The following STAC variants were observed in gnomAD, a reference collection of about 807,000 sequenced individuals.
STAC encodes SH3 and cysteine rich domain, also known as SH3 and cysteine-rich domain-containing protein.
In STAC, 43 loss-of-function variants were observed where a neutral mutation model predicts 48.8. The ratio of observed to expected loss-of-function variants is 0.88; its 90% CI spans 0.69 to 1.14. The LOEUF is 1.14. STAC is among the 50% of genes most tolerant of loss of function. STAC has a pLI of 0.00. For synonymous variants in STAC, 193 were observed against 179.5 expected (o/e 1.07, Z -0.60); for missense variants, 497 against 504.0 (o/e 0.99, Z 0.13).
intron 10 of STAC, among the ~76,000 whole-genome samples, chr3:36,538,848 T>C (rs1229652588): frequency 6.6e-6 from 1 of 152,202 alleles, no homozygotes; most frequent in Non-Finnish European, 1.5e-5. Context: ...TTTTCTACCT[T>C]TGAAGAATAT....
At chr3:36,517,609 A>G (rs1477356514) in intron 8 of STAC, among the ~76,000 whole-genome samples, 2 of 152,180 alleles carry the variant, frequency 1.3e-5, no homozygotes, top group Non-Finnish European at 2.9e-5. Context: ...AGCTATGAAC[A>G]CACCACTACA....
At chr3:36,513,561 C>G (rs1306685657) in intron 8 of STAC, among the ~76,000 whole-genome samples, 4 of 152,154 alleles carry the variant, frequency 2.6e-5, no homozygotes, top group Non-Finnish European at 5.9e-5. Flanking sequence ...GTACAGTGTT[C>G]TGGGCTTCAT....
At chr3:36,392,341 CCTTT>C (rs1296031883) in intron 1 of STAC, among the ~76,000 whole-genome samples, 1 of 151,892 alleles carries the variant, frequency 6.6e-6, no homozygotes, top group Non-Finnish European at 1.5e-5. Context: ...CTAGTCCTTT[CCTTT>C]CTTTCTTTTT....
chr3:36,436,909 G>A (rs1700846821), intron 1 of STAC, among the ~76,000 whole-genome samples: 1 of 151,790 alleles, frequency 6.6e-6, no homozygotes, highest in South Asian at 2.1e-4. Context: ...AATCTACAAT[G>A]AACTCAAACA....
intron 5 of STAC, among the ~76,000 whole-genome samples, chr3:36,490,760 C>G (rs1697947074): frequency 6.6e-6 from 1 of 152,198 alleles, no homozygotes; most frequent in Non-Finnish European, 1.5e-5. Context: ...TAAGAAGCAG[C>G]AAGACCACCA....
chr3:36,415,547 C>T (rs1700300759), intron 1 of STAC, among the ~76,000 whole-genome samples: 1 of 152,234 alleles, frequency 6.6e-6, no homozygotes, highest in South Asian at 2.1e-4. Flanking sequence ...CCATCTGTCA[C>T]AGCTTTGCTT....
At chr3:36,541,548 T>A (rs977482795) in intron 10 of STAC, among the ~76,000 whole-genome samples, 1 of 152,184 alleles carries the variant, frequency 6.6e-6, no homozygotes, top group East Asian at 1.9e-4. Context: ...GTAGAGGACA[T>A]GGATGTGTGA....
Position 36,398,511 on chromosome 3 carries a change from A to C in STAC, c.111+17757A>C, listed in dbSNP as rs527979727. Among the ~76,000 whole-genome samples, 14 of 85,236 alleles carry C rather than the reference A, an allele frequency of 1.6e-4. 1 individual carries two copies. Among genetic ancestry groups the C allele is most frequent in the Admixed American group, 4.8e-4 (4 of 8,364 alleles). 55.9% of individuals were successfully genotyped at this position (85,236 alleles called of 152,430 possible). ...AGAAAGGAAGGAGGGAAGGAAGAGAAAAAGAAAGAGAGAGAAAGAAAGAAA... is the reference window on the plus strand; with the variant it reads ...AGAAAGGAAGGAGGGAAGGAAGAGACAAAGAAAGAGAGAGAAAGAAAGAAA... On this transcript the variant is annotated intron_variant, in intron 1 of 10. Coordinates refer to ENST00000273183, the MANE Select transcript of STAC (RefSeq NM_003149.3).
chr3:36,504,190 G>A (rs1490775600), intron 6 of STAC, among the ~76,000 whole-genome samples: 1 of 152,250 alleles, frequency 6.6e-6, no homozygotes, highest in African/African-American at 2.4e-5. Context: ...CACAGAGAAG[G>A]TGGTGCAGAA....
intron 10 of STAC, among the ~76,000 whole-genome samples, chr3:36,536,922 A>C (rs1348816569): frequency 6.6e-6 from 1 of 152,190 alleles, no homozygotes; most frequent in Non-Finnish European, 1.5e-5. Context: ...GAAGATATTT[A>C]TATGGCCAGC....
Position 36,463,907 on chromosome 3 carries a change from C to A in STAC, c.389-19085C>A, listed in dbSNP as rs377139442. On this transcript the variant is annotated intron_variant, in intron 2 of 10. Coordinates refer to ENST00000273183, the MANE Select transcript of STAC (RefSeq NM_003149.3). ...TGTATATGTGCCACATTCTCTTAAT[C>A]CAGTCTATCATTGTTGGACATTTGG... 2.5e-4 allele frequency among the ~76,000 whole-genome samples: 38 copies of A among 152,168 alleles called. No homozygotes were observed. The South Asian group carries it at 7.1e-3, about 28-fold the overall frequency.
chr3:36,412,230 G>A (rs13319487), intron 1 of STAC, among the ~76,000 whole-genome samples: 3,025 of 152,244 alleles, frequency 0.02, 102 homozygotes, highest in African/African-American at 0.068. Flanking sequence ...CAGGAGGGCT[G>A]CTGTAGCTTT....
chr3:36,521,295 G>A (rs1436660723), intron 8 of STAC, among the ~76,000 whole-genome samples: 2 of 152,156 alleles, frequency 1.3e-5, no homozygotes, highest in East Asian at 3.9e-4. Flanking sequence ...CATGGGTGGT[G>A]CAAGAGGCAG....
chr3:36,435,987 T>C (rs1228889198), intron 1 of STAC, among the ~76,000 whole-genome samples: 1 of 152,182 alleles, frequency 6.6e-6, no homozygotes, highest in Non-Finnish European at 1.5e-5. Flanking sequence ...AGATCACTTC[T>C]CCTCCATGTC....
chr3:36,459,346 A>G (rs1305335168), intron 2 of STAC: 2 of 152,196 alleles, frequency 1.3e-5, no homozygotes, highest in African/African-American at 2.4e-5. Context: ...GAAGAGGTCA[A>G]TGAAAGTTCC....
At chr3:36,462,239 T>C (rs952216572) in intron 2 of STAC, among the ~76,000 whole-genome samples, 1 of 152,136 alleles carries the variant, frequency 6.6e-6, no homozygotes, top group Non-Finnish European at 1.5e-5. Context: ...AGGGAAACTG[T>C]CTACTATAAG....
rs116610975 is a variant in STAC, at chr3:36,425,845, G to T, written c.112-17519G>T. On this transcript the variant is annotated intron_variant, in intron 1 of 10. Transcript: ENST00000273183. ...AGTTTGAAACTAGGCTGGGCAACAT[G>T]GTGAGACCCTGTCTCTACCAAAAAT... Among the ~76,000 whole-genome samples, 449 of 152,226 alleles carry T rather than the reference G, an allele frequency of 2.9e-3. 5 individuals are homozygous for T. Among genetic ancestry groups the T allele is most frequent in the African/African-American group, 0.01 (431 of 41,540 alleles).
At chr3:36,458,661 T>C (rs896397479) in intron 2 of STAC, among the ~76,000 whole-genome samples, 7 of 152,228 alleles carry the variant, frequency 4.6e-5, no homozygotes, top group Non-Finnish European at 1.0e-4. Context: ...TGGCTAGATC[T>C]GGGAGGGCAA....
chr3:36,386,263 A>G (rs938802524), intron 1 of STAC, among the ~76,000 whole-genome samples: 1 of 151,708 alleles, frequency 6.6e-6, no homozygotes, highest in African/African-American at 2.4e-5. Flanking sequence ...ATGGCATTTG[A>G]TGTCTTCTTA....
Sources: allele counts gnomAD v4.1 joint callset (sites outside exome capture counted in the v4.1 genomes callset), GRCh38; gene constraint gnomAD v4.1.1; transcripts MANE v1.5; gene names NCBI Gene and HGNC (gene_info 2026-07-23, HGNC 2026-07-21).